Variants in HELZ observed in about 807,000 individuals in gnomAD.
HELZ encodes helicase with zinc finger.
A neutral mutation model predicts 218.2 loss-of-function variants in HELZ; 23 were observed. That is an observed-to-expected ratio of 0.11 (90% CI 0.08 to 0.15). The LOEUF is 0.15. HELZ is among the 10% of genes least tolerant of loss of function. HELZ has a pLI of 1.00. For synonymous variants in HELZ, 814 were observed against 829.4 expected (o/e 0.98, Z 0.32); for missense variants, 1,813 against 2,353.7 (o/e 0.77, Z 4.75).
intron 12 of HELZ, among the ~76,000 whole-genome samples, chr17:67,184,156 T>C (rs1323490531): frequency 2.0e-5 from 3 of 152,142 alleles, no homozygotes; most frequent in Non-Finnish European, 4.4e-5. Flanking sequence ...TTTCAATGAG[T>C]AACACACTAA....
chr17:67,085,268 G>A (rs931659887), intron 32 of HELZ, among the ~76,000 whole-genome samples: 1 of 151,096 alleles, frequency 6.6e-6, no homozygotes, highest in African/African-American at 2.4e-5. Flanking sequence ...AAATAAACAC[G>A]AAAATTAGCC....
At position 67,076,868 on chromosome 17, in the gene HELZ, G is replaced by C. The variant is rs1396690564; in HGVS notation, c.*1384C>G. ...AGCCTCATCTTATTTTTTTTTAAAA[G>C]TTTATATTGTAGTTTCGAGATACCT... On this transcript the variant is annotated 3_prime_UTR_variant, in exon 33 of 33. Transcript: ENST00000358691. 1 of 152,078 alleles carries C rather than the reference G, an allele frequency of 6.6e-6. No individual in the cohort carries two copies. Among genetic ancestry groups the C allele is most frequent in the East Asian group, 1.9e-4 (1 of 5,190 alleles). The allele number at this position is 152,078 out of a possible 1,614,324, so 9.4% of individuals were successfully genotyped here.
chr17:67,095,275 G>A (rs2036708437), intron 31 of HELZ, among the ~76,000 whole-genome samples: 1 of 152,198 alleles, frequency 6.6e-6, no homozygotes, highest in South Asian at 2.1e-4. Flanking sequence ...GTTCACGCCT[G>A]TAATCCCAAA....
chr17:67,220,232 G>T (rs956660611), intron 3 of HELZ, among the ~76,000 whole-genome samples: 1 of 152,162 alleles, frequency 6.6e-6, no homozygotes, highest in South Asian at 2.1e-4. Context: ...TGCAAGATGA[G>T]GGGAGAAAAG....
Position 67,145,796 on chromosome 17 carries a change from G to C in HELZ, c.2716C>G (p.Arg906Gly). The part of the protein sequence containing the change: ...DFYPLTFFTA[R>G]GEDVQEKNST... Reference sequence around the variant, plus strand: ...TTTTTTTCTTGTACATCTTCTCCTCGTGCTGTAAAGAAAGTTAGTGGGTAG... The same window carrying C: ...TTTTTTTCTTGTACATCTTCTCCTCCTGCTGTAAAGAAAGTTAGTGGGTAG... The change falls in exon 21 of 33, where the codon CGA becomes GGA. Residue 906 changes from arginine (R) to glycine (G), a missense_variant. Around this residue, in one of 4 missense-constraint regions of HELZ, gnomAD observed 156 missense variants for 274.4 expected, o/e 0.57. Transcript: ENST00000358691. The C allele has an allele frequency of 6.2e-7, 1 of 1,612,474 alleles. No homozygotes were observed. The highest frequency in any genetic ancestry group is 8.5e-7 in the Non-Finnish European group (1 of 1,178,766).
At chr17:67,114,523 G>C in intron 27 of HELZ, 120 bp from the exon 28 acceptor site, 1 of 597,848 alleles carries the variant, frequency 1.7e-6, no homozygotes, top group Non-Finnish European at 2.9e-6. Flanking sequence ...ATTATGATCA[G>C]TGTATGACTA....
chr17:67,170,857 C>T (rs1010067944), intron 13 of HELZ, among the ~76,000 whole-genome samples: 19 of 151,436 alleles, frequency 1.3e-4, no homozygotes, highest in Admixed American at 3.9e-4. Context: ...GGAACCCTTA[C>T]TTATTTCATG....
intron 1 of HELZ, 190 bp downstream of exon 1, chr17:67,244,958 G>A (rs1598500465): frequency 3.2e-5 from 32 of 985,964 alleles, no homozygotes; most frequent in South Asian, 1.4e-4. Flanking sequence ...AACAGCCCCA[G>A]CGTCCGGGCC....
At position 67,188,740 on chromosome 17, in the gene HELZ, G is replaced by T; in HGVS notation, c.865-124C>A. 1.4e-6 allele frequency: 1 copy of T among 700,550 alleles called. No homozygotes were observed. Among genetic ancestry groups the T allele is most frequent in the Non-Finnish European group, 2.3e-6 (1 of 431,010 alleles). The allele number at this position is 700,550 out of a possible 1,614,324, so 43.4% of individuals were successfully genotyped here. A position where few individuals can be genotyped will look rare whatever the true frequency, so the allele number is the denominator to read the frequency against. On this transcript the variant is annotated intron_variant, in intron 11 of 32. Coordinates refer to ENST00000358691, the MANE Select transcript of HELZ (RefSeq NM_014877.4). This position sits in a 1 kb window ranked among gnomAD's most constrained non-coding sequence, Gnocchi z 4.1. The stretch of plus-strand genomic sequence containing the variant: ...TTCCCCAAGCTTCTAAGATACTATA[G>T]CCATTTAAGAAAAAAATCAGAATGG...
At chr17:67,196,662 TTGGG>T (rs994604712) in intron 7 of HELZ, among the ~76,000 whole-genome samples, 2 of 150,332 alleles carry the variant, frequency 1.3e-5, no homozygotes, top group African/African-American at 4.9e-5. Context: ...GGGTAGGTGG[TTGGG>T]TGGGTGGGTG....
chr17:67,192,915 A>G (rs1265851573), intron 9 of HELZ, among the ~76,000 whole-genome samples: 1 of 152,258 alleles, frequency 6.6e-6, no homozygotes, highest in Non-Finnish European at 1.5e-5. Flanking sequence ...TAAATTCTAC[A>G]TAAGAATTAC....
chr17:67,195,046 AG>A (rs1202983270), intron 8 of HELZ, among the ~76,000 whole-genome samples: 1 of 152,222 alleles, frequency 6.6e-6, no homozygotes, highest in African/African-American at 2.4e-5. Flanking sequence ...TCATTAGGGC[AG>A]GAACAACTCA....
intron 21 of HELZ, among the ~76,000 whole-genome samples, chr17:67,141,295 G>A (rs117181918): frequency 0.011 from 1,680 of 152,212 alleles, 18 homozygotes; most frequent in South Asian, 0.018. Flanking sequence ...ATGTTTGACA[G>A]TAACGGCACA....
At chr17:67,143,820 T>C (rs1385178092) in intron 21 of HELZ, among the ~76,000 whole-genome samples, 1 of 152,196 alleles carries the variant, frequency 6.6e-6, no homozygotes, top group Non-Finnish European at 1.5e-5. Context: ...AAGCACAAGA[T>C]ACATAAAATA....
chr17:67,130,935 G>A (rs1475325394), intron 23 of HELZ, among the ~76,000 whole-genome samples: 1 of 152,182 alleles, frequency 6.6e-6, no homozygotes, highest in Non-Finnish European at 1.5e-5. Flanking sequence ...AGAGTGAAGG[G>A]CAGGAGGGCA....
At chr17:67,093,768 A>G (rs2036645900) in intron 31 of HELZ, among the ~76,000 whole-genome samples, 1 of 151,978 alleles carries the variant, frequency 6.6e-6, no homozygotes, top group Admixed American at 6.5e-5. Context: ...CCTCTTGCCT[A>G]GATAACTATG....
intron 15 of HELZ, among the ~76,000 whole-genome samples, chr17:67,162,880 A>G (rs1412938791): frequency 6.6e-6 from 1 of 152,182 alleles, no homozygotes; most frequent in African/African-American, 2.4e-5. Flanking sequence ...CATGCCCTAC[A>G]TAGTAGAGGA....
chr17:67,087,416 A>G (rs933613763), intron 31 of HELZ, among the ~76,000 whole-genome samples: 10 of 152,222 alleles, frequency 6.6e-5, no homozygotes, highest in Admixed American at 5.2e-4. Context: ...CTAAAATTCT[A>G]TTGACATTTT....
intron 27 of HELZ, among the ~76,000 whole-genome samples, chr17:67,116,595 G>A (rs769529520): frequency 1.3e-5 from 2 of 152,016 alleles, no homozygotes; most frequent in Non-Finnish European, 1.5e-5. Context: ...AATATTTTCA[G>A]GGACAAAGAA....
Sources: allele counts gnomAD v4.1 joint callset (sites outside exome capture counted in the v4.1 genomes callset), GRCh38; gene constraint gnomAD v4.1.1; regional missense constraint gnomAD v4.1.1; non-coding constraint Gnocchi (gnomAD v3.1); transcripts MANE v1.5; gene names NCBI Gene and HGNC (gene_info 2026-07-23, HGNC 2026-07-21).